ZNRF1: variants seen among roughly 807,000 people sequenced by gnomAD.
The protein encoded by ZNRF1 is E3 ubiquitin-protein ligase ZNRF1.
A neutral mutation model predicts 18.4 loss-of-function variants in ZNRF1; 3 were observed. The ratio of observed to expected loss-of-function variants is 0.16; its 90% CI spans 0.07 to 0.42. The LOEUF (loss-of-function observed/expected upper bound fraction) is 0.42, where lower values mean the gene tolerates loss of function less well. Among genes scored for constraint, ZNRF1 ranks in the 10% least tolerant of loss-of-function variants. The pLI is 0.99. For missense variants in ZNRF1, 310 were observed against 329.8 expected (o/e 0.94, Z 0.47); for synonymous variants, 157 against 144.2 (o/e 1.09, Z -0.64).
chr16:75,106,479 C>G lies in ZNRF1; in HGVS notation c.627-3C>G. On this transcript the variant is annotated splice_region_variant and splice_polypyrimidine_tract_variant and intron_variant, in intron 3 of 4. Coordinates refer to ENST00000335325, the MANE Select transcript of ZNRF1 (RefSeq NM_032268.5). ...GGTTTCCCTTGCGGCCCCCTCCTCC[C>G]AGCTGCATAGACTCGTGGTTTGAAG... The G allele has an allele frequency of 6.2e-7, 1 of 1,614,114 alleles. No homozygotes were observed. Among genetic ancestry groups the G allele is most frequent in the Non-Finnish European group, 8.5e-7 (1 of 1,180,010 alleles).
intron 1 of ZNRF1, among the ~76,000 whole-genome samples, chr16:75,017,068 A>C (rs761704719): frequency 2.0e-5 from 3 of 152,144 alleles, no homozygotes; most frequent in African/African-American, 4.8e-5. Context: ...TTTTTTCCCT[A>C]CTATATTGCA....
intron 1 of ZNRF1, among the ~76,000 whole-genome samples, chr16:75,048,956 GTCCT>G (rs923992529): frequency 2.0e-5 from 3 of 150,316 alleles, no homozygotes; most frequent in Admixed American, 6.6e-5. Flanking sequence ...TGTCTACTTT[GTCCT>G]TCCTTCCATT....
chr16:75,045,476 A>G (rs1312711167), intron 1 of ZNRF1, among the ~76,000 whole-genome samples: 1 of 152,096 alleles, frequency 6.6e-6, no homozygotes, highest in African/African-American at 2.4e-5. Context: ...GCTGGGTGCA[A>G]TATTTTTTTT....
At chr16:75,030,018 G>A (rs1414364079) in intron 1 of ZNRF1, among the ~76,000 whole-genome samples, 3 of 142,470 alleles carry the variant, frequency 2.1e-5, no homozygotes, top group Non-Finnish European at 4.5e-5. Flanking sequence ...ACCTGAGAGA[G>A]CACCACTGCA....
intron 1 of ZNRF1, among the ~76,000 whole-genome samples, chr16:75,023,863 T>G (rs1190853904): frequency 6.6e-6 from 1 of 151,432 alleles, no homozygotes; most frequent in Non-Finnish European, 1.5e-5. Flanking sequence ...CTTTTCTTTT[T>G]TTATTTTATT....
At chr16:75,033,701 T>C (rs2035338219) in intron 1 of ZNRF1, among the ~76,000 whole-genome samples, 1 of 152,174 alleles carries the variant, frequency 6.6e-6, no homozygotes, top group Admixed American at 6.5e-5. Context: ...CCTCCCAAAG[T>C]GTTGGGATTA....
intron 1 of ZNRF1, among the ~76,000 whole-genome samples, chr16:75,077,756 A>G (rs1444998929): frequency 6.6e-6 from 1 of 152,132 alleles, no homozygotes; most frequent in East Asian, 1.9e-4. Flanking sequence ...GGGAGAATCC[A>G]TTTCCTTGTC....
chr16:75,081,121 C>G (rs747887024), intron 1 of ZNRF1, among the ~76,000 whole-genome samples: 1 of 152,036 alleles, frequency 6.6e-6, no homozygotes, highest in Non-Finnish European at 1.5e-5. Flanking sequence ...TGCAGTGAGC[C>G]GAGATCACGC....
chr16:75,051,531 T>TGG (rs1222222271), intron 1 of ZNRF1, among the ~76,000 whole-genome samples: 1 of 151,006 alleles, frequency 6.6e-6, no homozygotes, highest in Non-Finnish European at 1.5e-5. Flanking sequence ...TTTTTTTTTT[T>TGG]GGGGGGGACG....
At chr16:75,019,095 G>A (rs2035110016) in intron 1 of ZNRF1, among the ~76,000 whole-genome samples, 1 of 152,178 alleles carries the variant, frequency 6.6e-6, no homozygotes, top group East Asian at 1.9e-4. Context: ...GAACCCAGGA[G>A]GCGGAGGTTG....
At chr16:75,027,689 A>T (rs1403483383) in intron 1 of ZNRF1, among the ~76,000 whole-genome samples, 1 of 152,014 alleles carries the variant, frequency 6.6e-6, no homozygotes, top group South Asian at 2.1e-4. Context: ...TTGCCTTGTC[A>T]CACTTGCTTG....
intron 1 of ZNRF1, among the ~76,000 whole-genome samples, chr16:75,001,360 G>C (rs2034846891): frequency 6.6e-6 from 1 of 152,020 alleles, no homozygotes; most frequent in South Asian, 2.1e-4. Context: ...AAATAGTGTT[G>C]GGGGAGAAAC....
intron 1 of ZNRF1, among the ~76,000 whole-genome samples, chr16:75,033,875 A>C (rs902880452): frequency 1.3e-5 from 2 of 151,970 alleles, no homozygotes; most frequent in East Asian, 3.9e-4. Context: ...GGCCAGGTGC[A>C]GTGGCTCACG....
At chr16:75,022,779 C>T (rs185931667) in intron 1 of ZNRF1, among the ~76,000 whole-genome samples, 124 of 152,210 alleles carry the variant, frequency 8.1e-4, no homozygotes, top group African/African-American at 2.2e-3. Flanking sequence ...AAAACTCTTC[C>T]GTAGTGCTCT....
At chr16:75,093,347 T>C (rs1396145512) in intron 1 of ZNRF1, among the ~76,000 whole-genome samples, 1 of 148,006 alleles carries the variant, frequency 6.8e-6, no homozygotes, top group Non-Finnish European at 1.5e-5. Context: ...ATCGTGCCAC[T>C]GCACTCCAGC....
chr16:75,096,165 A>G (rs974983395), intron 2 of ZNRF1, among the ~76,000 whole-genome samples: 2 of 150,816 alleles, frequency 1.3e-5, no homozygotes, highest in African/African-American at 4.9e-5. Context: ...ACTGGAGGCA[A>G]AGAGAGGCCA....
At chr16:75,093,318 G>A (rs537536286) in intron 1 of ZNRF1, among the ~76,000 whole-genome samples, 8 of 151,766 alleles carry the variant, frequency 5.3e-5, no homozygotes, top group Admixed American at 2.0e-4. Flanking sequence ...CCGGGATGCA[G>A]AGGTTGCAGT....
chr16:75,094,578 A>T (rs2036177085), intron 2 of ZNRF1, among the ~76,000 whole-genome samples: 1 of 152,198 alleles, frequency 6.6e-6, no homozygotes, highest in Non-Finnish European at 1.5e-5. Flanking sequence ...TAGGATTGTC[A>T]GAACTGGGTA....
chr16:75,016,177 T>A lies in ZNRF1; in HGVS notation c.424+16082T>A, dbSNP rs369333261. Among the ~76,000 whole-genome samples, 3 of 152,050 alleles carry A rather than the reference T, an allele frequency of 2.0e-5. No individual in the cohort carries two copies. The East Asian group carries it at 5.8e-4, about 29-fold the overall frequency. Reference sequence around the variant, plus strand: ...CCTCGTGACCCGTCCACCGCCTCGGTCTCCCAAAGTGCTGGGATTACAGGC... The same window carrying A: ...CCTCGTGACCCGTCCACCGCCTCGGACTCCCAAAGTGCTGGGATTACAGGC... On this transcript the variant is annotated intron_variant, in intron 1 of 4. Transcript: ENST00000335325.
Sources: allele counts gnomAD v4.1 joint callset (sites outside exome capture counted in the v4.1 genomes callset), GRCh38; gene constraint gnomAD v4.1.1; transcripts MANE v1.5; gene names NCBI Gene and HGNC (gene_info 2026-07-23, HGNC 2026-07-21).